SHISAL1: variants seen among roughly 807,000 people sequenced by gnomAD.
The protein encoded by SHISAL1 is protein shisa-like-1.
SHISAL1 carries 9 observed loss-of-function variants against 22.6 expected under a neutral mutation model. That is an observed-to-expected ratio of 0.40 (90% CI 0.24 to 0.70). The LOEUF (loss-of-function observed/expected upper bound fraction) is 0.70. SHISAL1 is among the 30% of genes least tolerant of loss of function. SHISAL1 has a pLI of 0.39. For missense variants in SHISAL1, 246 were observed against 270.6 expected, an observed-to-expected ratio of 0.91 and a Z score of 0.64; for synonymous variants, 119 against 115.4, an observed-to-expected ratio of 1.03 and a Z score of -0.20.
At chr22:44,255,066 C>T (rs2055075118) in intron 4 of SHISAL1, among the ~76,000 whole-genome samples, 1 of 152,218 alleles carries the variant, frequency 6.6e-6, no homozygotes, top group South Asian at 2.1e-4. Context: ...CCTCCTCCCA[C>T]CGCTCCTGCT....
intron 3 of SHISAL1, 38 bp from the exon 4 acceptor site, chr22:44,285,783 G>A (rs1398479280): frequency 1.3e-6 from 2 of 1,536,888 alleles, no homozygotes; most frequent in Non-Finnish European, 1.8e-6. Flanking sequence ...AAGCAGAGGG[G>A]AGCAGTCCAG....
intron 4 of SHISAL1, among the ~76,000 whole-genome samples, chr22:44,268,426 A>T (rs1569212173): frequency 6.6e-6 from 1 of 152,240 alleles, no homozygotes; most frequent in Non-Finnish European, 1.5e-5. Context: ...TTAAGCTGAA[A>T]GATGACTTAG....
rs1182721986 is a variant in SHISAL1 at position 44,244,537 on chromosome 22, C to CATCT, written c.*5144_*5147dup. ...CAGTCAAATCTGCTCATTCATCAAG[C>CATCT]ATCTATCTAGCACCAGCTGTTGGCT... On this transcript the variant is annotated 3_prime_UTR_variant, in exon 5 of 5. Transcript: ENST00000381176. The CATCT allele has an allele frequency of 6.6e-6, 1 of 152,136 alleles. No individual in the cohort carries two copies. Among genetic ancestry groups the CATCT allele is most frequent in the African/African-American group, 2.4e-5 (1 of 41,426 alleles). The allele number at this position is 152,136 out of a possible 1,614,324, so 9.4% of individuals were successfully genotyped here. A position where few individuals can be genotyped will look rare whatever the true frequency, so the allele number is the denominator to read the frequency against.
Position 44,296,758 on chromosome 22 carries a change from C to A in SHISAL1, c.195G>T (p.Thr65=). The A allele has an allele frequency of 2.5e-6, 4 of 1,614,142 alleles. No homozygotes were observed. The highest frequency in any genetic ancestry group is 4.5e-5 in the East Asian group (2 of 44,886). ...TCTCGTTGCAGCAGTATTTGAAGAC[C>A]GTGTTGTTATGGTGACAACAGAGGA... The part of the protein sequence containing the change: ...TFILCCHHNN[T]VFKYCCNETE... The change falls in exon 3 of 5, where the codon ACG becomes ACT. Residue 65 remains threonine, a synonymous_variant. Coordinates refer to ENST00000381176, the MANE Select transcript of SHISAL1 (RefSeq NM_001099294.2).
chr22:44,314,125 G>A (rs1033074548), upstream of SHISAL1, among the ~76,000 whole-genome samples: 2 of 150,256 alleles, frequency 1.3e-5, no homozygotes, highest in Non-Finnish European at 3.0e-5. Context: ...TCAGTAACTC[G>A]TCCTGGGTCG....
At chr22:44,317,813 C>T (rs74317550), upstream of SHISAL1, among the ~76,000 whole-genome samples, 175 of 152,374 alleles carry the variant, frequency 1.1e-3, no homozygotes, top group African/African-American at 4.0e-3. Flanking sequence ...AAGCACCAGG[C>T]TCCACTTTCT....
chr22:44,323,681 A>ATCCATCCATCCT, the SHISAL1 span, among the ~76,000 whole-genome samples: 394 of 150,502 alleles, frequency 2.6e-3, 3 homozygotes, highest in Middle Eastern at 0.014. Flanking sequence ...CCATCCATCC[A>ATCCATCCATCCT]TCCATCCATC....
At chr22:44,299,907 C>T (rs1330271228) in intron 2 of SHISAL1, among the ~76,000 whole-genome samples, 5 of 143,994 alleles carry the variant, frequency 3.5e-5, no homozygotes, top group Non-Finnish European at 7.6e-5. Context: ...GAGACAGAGA[C>T]AGAGACAGAA....
intron 4 of SHISAL1, among the ~76,000 whole-genome samples, chr22:44,272,262 C>T (rs1306382471): frequency 1.3e-5 from 2 of 152,190 alleles, no homozygotes; most frequent in African/African-American, 2.4e-5. Context: ...TAGTTCATTC[C>T]AGAAGTGTGT....
intron 4 of SHISAL1, among the ~76,000 whole-genome samples, chr22:44,254,079 A>C (rs768604716): frequency 7.9e-5 from 12 of 152,180 alleles, no homozygotes; most frequent in Non-Finnish European, 1.5e-4. Context: ...AGTTAGAGCA[A>C]AAAATAAAAA....
chr22:44,293,071 C>G (rs12159152), intron 3 of SHISAL1, among the ~76,000 whole-genome samples: 2,343 of 152,338 alleles, frequency 0.015, 67 homozygotes, highest in African/African-American at 0.05. Flanking sequence ...TTATTCCCCG[C>G]TTCCCCTTGC....
chr22:44,246,706 C>T lies in SHISAL1; in HGVS notation c.*2979G>A, dbSNP rs1280585525. ...TGTTCACACCCACATGCACACTGTT[C>T]TCACCTGTCGGCTCCTCTGTGAGAC... On this transcript the variant is annotated 3_prime_UTR_variant, in exon 5 of 5. Coordinates refer to ENST00000381176, the MANE Select transcript of SHISAL1 (RefSeq NM_001099294.2). The T allele has an allele frequency of 6.6e-6, 1 of 152,258 alleles. No homozygotes were observed. The highest frequency in any genetic ancestry group is 1.5e-5 in the Non-Finnish European group (1 of 68,084). 9.4% of individuals were successfully genotyped at this position (152,258 alleles called of 1,614,324 possible).
chr22:44,324,302 C>T, the SHISAL1 span, among the ~76,000 whole-genome samples: 2 of 151,996 alleles, frequency 1.3e-5, no homozygotes, highest in Admixed American at 6.5e-5. Flanking sequence ...CTGGCTCCCC[C>T]CTGCCTGGTC....
intron 4 of SHISAL1, among the ~76,000 whole-genome samples, chr22:44,262,743 G>A (rs1042838065): frequency 3.9e-5 from 6 of 152,218 alleles, no homozygotes; most frequent in Non-Finnish European, 7.3e-5. Context: ...GGCGAGAGAG[G>A]AGCTGAGCCT....
At chr22:44,268,430 G>A (rs554479356) in intron 4 of SHISAL1, among the ~76,000 whole-genome samples, 142 of 152,316 alleles carry the variant, frequency 9.3e-4, no homozygotes, top group Non-Finnish European at 1.5e-3. Flanking sequence ...GCTGAAAGAT[G>A]ACTTAGAAGG....
intron 4 of SHISAL1, among the ~76,000 whole-genome samples, chr22:44,267,123 A>G (rs1214892832): frequency 6.6e-6 from 1 of 152,064 alleles, no homozygotes; most frequent in East Asian, 1.9e-4. Context: ...AGCGACAGGC[A>G]GAGGGCAGGG....
intron 2 of SHISAL1, among the ~76,000 whole-genome samples, chr22:44,297,892 A>G (rs1481355014): frequency 6.6e-6 from 1 of 152,180 alleles, no homozygotes; most frequent in Non-Finnish European, 1.5e-5. Context: ...AGCTCGTTGA[A>G]AGCTCTGTGT....
chr22:44,278,826 G>A (rs2055257659), intron 4 of SHISAL1, among the ~76,000 whole-genome samples: 1 of 152,262 alleles, frequency 6.6e-6, no homozygotes, highest in Middle Eastern at 3.4e-3. Flanking sequence ...ATAGGCTTCG[G>A]CTTGAGGAGG....
rs1444384583 is a variant in SHISAL1, at chr22:44,248,474, G to C, written c.*1211C>G. ...GTCCCAGGGCAGCGGGGCAGGAGTG[G>C]GGGTGATTAGCTCGGTGGGTGGATG... On this transcript the variant is annotated 3_prime_UTR_variant, in exon 5 of 5. Coordinates refer to ENST00000381176, the MANE Select transcript of SHISAL1 (RefSeq NM_001099294.2). The C allele has an allele frequency of 2.6e-5, 4 of 152,328 alleles. No individual in the cohort carries two copies. The highest frequency in any genetic ancestry group is 9.6e-5 in the African/African-American group (4 of 41,556). The allele number at this position is 152,328 out of a possible 1,614,324, so 9.4% of individuals were successfully genotyped here.
Sources: allele counts gnomAD v4.1 joint callset (sites outside exome capture counted in the v4.1 genomes callset), GRCh38; gene constraint gnomAD v4.1.1; transcripts MANE v1.5; gene names NCBI Gene and HGNC (gene_info 2026-07-23, HGNC 2026-07-21).